DMD: variants seen among roughly 807,000 people sequenced by gnomAD.
DMD encodes dystrophin.
In DMD, 63 loss-of-function variants were observed where a neutral mutation model predicts 330.1. The ratio of observed to expected loss-of-function variants is 0.19; its 90% CI spans 0.16 to 0.24. The LOEUF is 0.24. DMD is among the 10% of genes least tolerant of loss of function. DMD has a pLI of 1.00. For missense variants in DMD, 3,344 were observed against 2,684.1 expected, an observed-to-expected ratio of 1.25 and a Z score of -5.43; for synonymous variants, 1,223 against 959.8, an observed-to-expected ratio of 1.27 and a Z score of -5.07.
At chrX:31,814,122 C>T (rs1023452273) in intron 50 of DMD, among the ~76,000 whole-genome samples, 6 of 110,832 alleles carry the variant, frequency 5.4e-5, no homozygotes, top group African/African-American at 2.0e-4. Context: ...TTCCTAATTA[C>T]ACTTGAGACT....
chrX:32,187,501 CAT>C (rs1320781486), intron 44 of DMD, among the ~76,000 whole-genome samples: 1 of 111,633 alleles, frequency 9.0e-6, no homozygotes, highest in East Asian at 2.8e-4. Context: ...AAGATTAACA[CAT>C]GTTTTAAAAA....
intron 17 of DMD, among the ~76,000 whole-genome samples, chrX:32,525,378 G>A (rs778870807): frequency 6.0e-4 from 67 of 110,989 alleles, no homozygotes; most frequent in Non-Finnish European, 1.1e-3. Flanking sequence ...CTTTATGCCA[G>A]CAATGAGGAT....
intron 44 of DMD, among the ~76,000 whole-genome samples, chrX:32,045,341 G>GT (rs768612902): frequency 0.37 from 35,514 of 96,998 alleles, 5,742 homozygotes; most frequent in Non-Finnish European, 0.43. Context: ...TGAGCGATCT[G>GT]TTTTGTTTTT....
intron 67 of DMD, among the ~76,000 whole-genome samples, chrX:31,193,853 C>T (rs143191295): frequency 1.2e-3 from 136 of 111,360 alleles, no homozygotes; most frequent in African/African-American, 4.2e-3. Flanking sequence ...GAGTATGGGA[C>T]ATTCTTCAAG....
intron 60 of DMD, among the ~76,000 whole-genome samples, chrX:31,441,290 G>T (rs185841949): frequency 9.0e-6 from 1 of 111,660 alleles, no homozygotes; most frequent in African/African-American, 3.3e-5. Flanking sequence ...TCTGCCTCCT[G>T]GTTTCAAGCA....
chrX:32,984,656 G>C (rs1203138031), intron 2 of DMD, among the ~76,000 whole-genome samples: 2 of 111,798 alleles, frequency 1.8e-5, no homozygotes, highest in East Asian at 2.8e-4. Flanking sequence ...CCTTATTTCA[G>C]AGCCAAGCAT....
chrX:32,325,011 G>C (rs778493679), intron 41 of DMD, among the ~76,000 whole-genome samples: 17 of 111,024 alleles, frequency 1.5e-4, no homozygotes, highest in Non-Finnish European at 9.4e-5. Context: ...GAATGTATAA[G>C]ATCTATATAC....
At chrX:31,676,603 C>T (rs977157807) in intron 53 of DMD, among the ~76,000 whole-genome samples, 16 of 111,373 alleles carry the variant, frequency 1.4e-4, no homozygotes, top group African/African-American at 4.6e-4. Flanking sequence ...GTTTTAGCCA[C>T]GTAGACAATT....
chrX:31,918,461 T>C (rs2094639427), intron 47 of DMD, among the ~76,000 whole-genome samples: 1 of 110,817 alleles, frequency 9.0e-6, no homozygotes, highest in African/African-American at 3.3e-5. Flanking sequence ...CACAAACCAT[T>C]AGAATATTTG....
At chrX:32,467,371 G>A (rs1030088898) in intron 23 of DMD, among the ~76,000 whole-genome samples, 4 of 110,723 alleles carry the variant, frequency 3.6e-5, no homozygotes, top group Non-Finnish European at 7.6e-5. Context: ...GCAATTGTTG[G>A]TTTACTGTTT....
rs1312999404 is a variant in DMD at position 31,415,483 on chromosome X, G to A, written c.9084+28998C>T. 1.1e-4 allele frequency among the ~76,000 whole-genome samples: 12 copies of A among 111,757 alleles called. No homozygotes were observed. The Admixed American group carries it at 1.1e-3, about 11-fold the overall frequency. On this transcript the variant is annotated intron_variant, in intron 60 of 78. Coordinates refer to ENST00000357033, the MANE Select transcript of DMD (RefSeq NM_004006.3). Reference sequence around the variant, plus strand: ...ACCTGCCATTACTATGGAGTCCAGAGGTAGGGTCAGGTACAGGCTGGGGTC... The same window carrying A: ...ACCTGCCATTACTATGGAGTCCAGAAGTAGGGTCAGGTACAGGCTGGGGTC...
intron 44 of DMD, among the ~76,000 whole-genome samples, chrX:32,089,013 A>C (rs73619028): frequency 3.5e-4 from 39 of 111,846 alleles, no homozygotes; most frequent in African/African-American, 1.2e-3. Flanking sequence ...GATCCATTCA[A>C]TACGCTATAT....
intron 2 of DMD, among the ~76,000 whole-genome samples, chrX:32,911,099 C>T (rs1378902575): frequency 1.8e-5 from 2 of 112,425 alleles, no homozygotes; most frequent in African/African-American, 3.2e-5. Flanking sequence ...TTAGATAGGA[C>T]TTCTCAAGGC....
chrX:32,343,427 AAAGAC>A (rs1306096650), intron 39 of DMD, 141 bp from the exon 40 acceptor site: 1 of 574,510 alleles, frequency 1.7e-6, no homozygotes, highest in African/African-American at 2.3e-5. Flanking sequence ...CAAAATATAC[AAAGAC>A]ATAATTAAAT....
chrX:33,058,398 T>A (rs2094542938), intron 1 of DMD, among the ~76,000 whole-genome samples: 1 of 110,656 alleles, frequency 9.0e-6, no homozygotes, highest in African/African-American at 3.3e-5. Context: ...CATTCTCTCA[T>A]CTCAGCCTCT....
At chrX:32,455,069 T>C (rs1455807941) in intron 25 of DMD, among the ~76,000 whole-genome samples, 2 of 111,133 alleles carry the variant, frequency 1.8e-5, no homozygotes, top group Non-Finnish European at 3.8e-5. Flanking sequence ...TATTGCCCGA[T>C]GATGATAATT....
chrX:32,748,302 C>T (rs1350125997), intron 7 of DMD, among the ~76,000 whole-genome samples: 1 of 104,973 alleles, frequency 9.5e-6, no homozygotes, highest in Non-Finnish European at 1.9e-5. Flanking sequence ...CAAGATCATG[C>T]CACTGCACTC....
intron 4 of DMD, among the ~76,000 whole-genome samples, chrX:32,831,668 G>A (rs1247620709): frequency 1.2e-4 from 5 of 40,918 alleles, no homozygotes; most frequent in South Asian, 6.6e-4. Context: ...GTGTGTGTGT[G>A]TGTGTGTGTG....
chrX:32,888,780 C>T (rs962426598), intron 2 of DMD, among the ~76,000 whole-genome samples: 1 of 111,507 alleles, frequency 9.0e-6, no homozygotes, highest in African/African-American at 3.3e-5. Context: ...AACAGATGAA[C>T]GGATTCAAAA....
Sources: gnomAD v4.1 joint callset for allele counts (sites outside exome capture counted in the v4.1 genomes callset) on GRCh38, gnomAD v4.1.1 for gene constraint, MANE v1.5 for transcripts, NCBI Gene and HGNC (gene_info 2026-07-23, HGNC 2026-07-21) for gene names.